Variants in PTPN13 observed in about 807,000 individuals in gnomAD.
PTPN13 encodes the protein protein tyrosine phosphatase non-receptor type 13, also known as tyrosine-protein phosphatase non-receptor type 13.
PTPN13 carries 191 observed loss-of-function variants against 284.0 expected under a neutral mutation model. That is an observed-to-expected ratio of 0.67 (90% CI 0.60 to 0.76). The LOEUF (loss-of-function observed/expected upper bound fraction) is 0.76. Among genes scored for constraint, PTPN13 ranks in the 30% least tolerant of loss-of-function variants. The pLI is 0.00. For missense variants in PTPN13, 2,797 were observed against 2,939.9 expected (o/e 0.95, Z 1.12); for synonymous variants, 986 against 1,022.3 (o/e 0.96, Z 0.68).
chr4:86,717,145 C>A, intron 9 of PTPN13, 28 bp downstream of exon 9: 15 of 1,380,756 alleles, frequency 1.1e-5, no homozygotes, highest in Non-Finnish European at 1.5e-5. Context: ...AGTGATGATA[C>A]ATTTCCAGTG....
At chr4:86,805,200 C>T (rs1744518657) in intron 43 of PTPN13, 79 bp from the exon 44 acceptor site, 1 of 875,262 alleles carries the variant, frequency 1.1e-6, no homozygotes. Context: ...CAATTTTGCC[C>T]CTACACATTT....
At chr4:86,776,729 A>G (rs1281584608) in intron 35 of PTPN13, among the ~76,000 whole-genome samples, 1 of 152,240 alleles carries the variant, frequency 6.6e-6, no homozygotes, top group Non-Finnish European at 1.5e-5. Context: ...CAGTTGGACA[A>G]AATCATCTAA....
At chr4:86,751,476 C>T (rs1209424105) in intron 19 of PTPN13, among the ~76,000 whole-genome samples, 1 of 152,062 alleles carries the variant, frequency 6.6e-6, no homozygotes, top group Non-Finnish European at 1.5e-5. Flanking sequence ...AACGCAGTAC[C>T]ACATCTGGCT....
In PTPN13 at chr4:86,771,302, C is replaced by T; in HGVS notation, c.4935C>T (p.Ser1645=). Residue 1645 remains serine, a synonymous_variant, in exon 31 of 48, where the codon TCC becomes TCT. Coordinates refer to ENST00000411767, the MANE Select transcript of PTPN13 (RefSeq NM_080683.3). ...ACAAAAGCAAAAAACAGTGCAAGTC[C>T]CCATCCAGAAGAGACAGTTACAGTG... ...MSDKSKKQCK[S]PSRRDSYSDS... 1 of 1,602,656 alleles carries T rather than the reference C, an allele frequency of 6.2e-7. No individual in the cohort carries two copies. The highest frequency in any genetic ancestry group is 1.1e-5 in the South Asian group (1 of 88,612).
At chr4:86,803,595 A>G (rs564960899) in intron 42 of PTPN13, 114 bp from the exon 43 acceptor site, 2 of 1,127,234 alleles carry the variant, frequency 1.8e-6, no homozygotes, top group South Asian at 3.0e-5. Flanking sequence ...TCTATCTCTA[A>G]ATAAATAAAT....
At chr4:86,702,580 T>C (rs1731282114) in intron 7 of PTPN13, among the ~76,000 whole-genome samples, 1 of 152,216 alleles carries the variant, frequency 6.6e-6, no homozygotes, top group Non-Finnish European at 1.5e-5. Context: ...TTTCTTATTC[T>C]AGAGAAAAAC....
intron 2 of PTPN13, among the ~76,000 whole-genome samples, chr4:86,653,469 G>A (rs959972303): frequency 6.6e-6 from 1 of 150,950 alleles, no homozygotes; most frequent in African/African-American, 2.4e-5. Context: ...ACTAGGGGGC[G>A]CCCTAAGCTC....
At chr4:86,758,521 G>C in intron 21 of PTPN13, 157 bp from the exon 22 acceptor site, 5 of 889,638 alleles carry the variant, frequency 5.6e-6, no homozygotes, top group Non-Finnish European at 8.5e-6. Flanking sequence ...TGCCTAATAA[G>C]AAATGCCTAC....
At chr4:86,801,799 C>T (rs1370979347) in intron 42 of PTPN13, among the ~76,000 whole-genome samples, 2 of 151,938 alleles carry the variant, frequency 1.3e-5, no homozygotes, top group Non-Finnish European at 2.9e-5. Context: ...TCAGCAGAGC[C>T]CAGTTTAAGA....
chr4:86,780,264 G>A lies in PTPN13; in HGVS notation c.5892-138G>A, dbSNP rs1023757435. On this transcript the variant is annotated intron_variant, in intron 35 of 47. Transcript: ENST00000411767. ...AAATACAAAAAAATAGCTGGGCATGGTGGCACATGCCTGTGGTCCCAGCTC... is the reference window on the plus strand; with the variant it reads ...AAATACAAAAAAATAGCTGGGCATGATGGCACATGCCTGTGGTCCCAGCTC... 10 of 676,492 alleles carry A rather than the reference G, an allele frequency of 1.5e-5. No individual in the cohort carries two copies. In the African/African-American group the frequency reaches 1.8e-4, roughly 12 times the overall value. 41.9% of individuals were successfully genotyped at this position (676,492 alleles called of 1,614,324 possible).
chr4:86,685,700 C>A (rs551013342), intron 3 of PTPN13, among the ~76,000 whole-genome samples: 1 of 152,288 alleles, frequency 6.6e-6, no homozygotes, highest in South Asian at 2.1e-4. Context: ...TGTAATACCT[C>A]TATGGAAAAG....
chr4:86,772,615 A>G (rs1740131496), intron 31 of PTPN13, among the ~76,000 whole-genome samples, 163 bp from the exon 32 acceptor site: 1 of 152,250 alleles, frequency 6.6e-6, no homozygotes, highest in African/African-American at 2.4e-5. Context: ...AACATTTAAC[A>G]GATATGGAGT....
chr4:86,693,041 C>T (rs1730193997), intron 5 of PTPN13, among the ~76,000 whole-genome samples: 1 of 144,772 alleles, frequency 6.9e-6, no homozygotes, highest in Non-Finnish European at 1.5e-5. Flanking sequence ...GTCCTCCAAC[C>T]TGGGTGACAG....
chr4:86,750,377 T>G (rs1737243219), intron 17 of PTPN13, 93 bp from the exon 18 acceptor site: 1 of 1,220,208 alleles, frequency 8.2e-7, no homozygotes, highest in East Asian at 2.4e-5. Flanking sequence ...TCAAAATGAT[T>G]AAAAACTGCA....
At chr4:86,744,015 C>G (rs1002637092) in intron 16 of PTPN13, among the ~76,000 whole-genome samples, 2 of 152,204 alleles carry the variant, frequency 1.3e-5, no homozygotes, top group African/African-American at 4.8e-5. Context: ...ATATAGGTCA[C>G]AAATTGGAGT....
intron 2 of PTPN13, among the ~76,000 whole-genome samples, chr4:86,651,960 C>G (rs1414094506): frequency 6.6e-6 from 1 of 151,998 alleles, no homozygotes; most frequent in African/African-American, 2.4e-5. Context: ...ATCTGTAGTC[C>G]AAGCTACACA....
intron 10 of PTPN13, among the ~76,000 whole-genome samples, chr4:86,725,002 G>A (rs1310620331): frequency 7.3e-6 from 1 of 136,616 alleles, no homozygotes; most frequent in Non-Finnish European, 1.5e-5. Flanking sequence ...GGTGTGTGAT[G>A]TTTCCCGCCC....
At chr4:86,634,239 C>T (rs549216419) in intron 1 of PTPN13, among the ~76,000 whole-genome samples, 1 of 152,084 alleles carries the variant, frequency 6.6e-6, no homozygotes, top group East Asian at 1.9e-4. Context: ...TCTGCTTCTC[C>T]CTTACAGTAG....
At chr4:86,688,194 C>T (rs541063130) in intron 4 of PTPN13, among the ~76,000 whole-genome samples, 3 of 152,186 alleles carry the variant, frequency 2.0e-5, no homozygotes, top group African/African-American at 7.2e-5. Flanking sequence ...TAATAATACC[C>T]AAATGGATAA....
Sources: gnomAD v4.1 joint callset for allele counts (sites outside exome capture counted in the v4.1 genomes callset) on GRCh38, gnomAD v4.1.1 for gene constraint, MANE v1.5 for transcripts, NCBI Gene and HGNC (gene_info 2026-07-23, HGNC 2026-07-21) for gene names.